Variants in KCNH8 observed in about 807,000 individuals in gnomAD.
The protein encoded by KCNH8 is voltage-gated delayed rectifier potassium channel KCNH8.
Under a neutral mutation model 103.6 loss-of-function variants are expected in KCNH8, and 70 were observed. That is an observed-to-expected ratio of 0.68 (90% CI 0.56 to 0.82). The LOEUF is 0.82. KCNH8 is among the 40% of genes least tolerant of loss of function. The pLI, the probability that KCNH8 is intolerant of heterozygous loss-of-function variation, is 0.00. For missense variants in KCNH8, 1,217 were observed against 1,329.9 expected, an observed-to-expected ratio of 0.92 and a Z score of 1.32; for synonymous variants, 498 against 489.4, an observed-to-expected ratio of 1.02 and a Z score of -0.23.
intron 8 of KCNH8, chr3:19,449,065 C>G: frequency 1.3e-6 from 1 of 786,302 alleles, no homozygotes; most frequent in African/African-American, 1.8e-5. Context: ...CTAGATGCTT[C>G]CCAAAGTGGG....
chr3:19,305,489 C>T (rs868551519), intron 3 of KCNH8, among the ~76,000 whole-genome samples: 1 of 152,064 alleles, frequency 6.6e-6, no homozygotes, highest in Non-Finnish European at 1.5e-5. Flanking sequence ...GTGAGAGCTA[C>T]GAACTAGGTT....
chr3:19,487,555 C>T (rs1352775227), intron 11 of KCNH8, among the ~76,000 whole-genome samples: 1 of 152,120 alleles, frequency 6.6e-6, no homozygotes, highest in East Asian at 1.9e-4. Flanking sequence ...ATTGGCTGGG[C>T]CCCAGGCTTA....
chr3:19,274,294 A>G (rs2064631482), intron 2 of KCNH8, among the ~76,000 whole-genome samples: 1 of 152,272 alleles, frequency 6.6e-6, no homozygotes, highest in South Asian at 2.1e-4. Context: ...AATATAATAC[A>G]TGCAAGACGT....
At chr3:19,226,970 T>C (rs2063939558) in intron 1 of KCNH8, among the ~76,000 whole-genome samples, 1 of 152,242 alleles carries the variant, frequency 6.6e-6, no homozygotes, top group Non-Finnish European at 1.5e-5. Flanking sequence ...GGGTCTATTT[T>C]TGGAGCCGTG....
At chr3:19,239,587 A>C (rs1484526890) in intron 1 of KCNH8, among the ~76,000 whole-genome samples, 1 of 152,046 alleles carries the variant, frequency 6.6e-6, no homozygotes, top group African/African-American at 2.4e-5. Context: ...AAAATTTTAG[A>C]AACTAGTCTA....
chr3:19,452,479 T>TGCA (rs2067464103), intron 10 of KCNH8, among the ~76,000 whole-genome samples: 3 of 152,118 alleles, frequency 2.0e-5, no homozygotes, highest in Non-Finnish European at 2.9e-5. Context: ...ACAGTGATAA[T>TGCA]GCAGCAAAAA....
chr3:19,215,719 T>A (rs1360915654), intron 1 of KCNH8, among the ~76,000 whole-genome samples: 1 of 152,230 alleles, frequency 6.6e-6, no homozygotes, highest in Non-Finnish European at 1.5e-5. Context: ...TTTCTCTCCC[T>A]TTCTCAAAAA....
At chr3:19,243,805 G>A (rs1319884621) in intron 1 of KCNH8, among the ~76,000 whole-genome samples, 1 of 152,030 alleles carries the variant, frequency 6.6e-6, no homozygotes, top group Non-Finnish European at 1.5e-5. Context: ...CAGTCAGTTT[G>A]AAATTAAAAA....
At chr3:19,319,128 G>A (rs140323682) in intron 3 of KCNH8, among the ~76,000 whole-genome samples, 12 of 152,150 alleles carry the variant, frequency 7.9e-5, no homozygotes, top group African/African-American at 2.9e-4. Flanking sequence ...TGTTAACTCT[G>A]CTGTTTATTT....
rs570153353 is a variant in KCNH8 at position 19,366,651 on chromosome 3, A to G, written c.811+18686A>G. 5.3e-5 allele frequency among the ~76,000 whole-genome samples: 8 copies of G among 152,090 alleles called. No individual in the cohort carries two copies. The East Asian group carries it at 1.5e-3, about 29-fold the overall frequency. ...CATTCTCTCTTCTTTCCACTTTTCA[A>G]GTATGTTTTCTTAAAGTATAAAAAA... On this transcript the variant is annotated intron_variant, in intron 5 of 15. Coordinates refer to ENST00000328405, the MANE Select transcript of KCNH8 (RefSeq NM_144633.3).
At chr3:19,255,765 A>G (rs2064338493) in intron 2 of KCNH8, among the ~76,000 whole-genome samples, 1 of 152,146 alleles carries the variant, frequency 6.6e-6, no homozygotes, top group Non-Finnish European at 1.5e-5. Context: ...AGATAGTTCC[A>G]GTTTTATTTG....
intron 3 of KCNH8, among the ~76,000 whole-genome samples, chr3:19,300,676 A>G (rs572492096): frequency 2.0e-5 from 3 of 152,290 alleles, no homozygotes; most frequent in South Asian, 4.1e-4. Flanking sequence ...ATATATCCCA[A>G]TGACTCCTTT....
chr3:19,453,709 C>T (rs2067485104), intron 10 of KCNH8, among the ~76,000 whole-genome samples: 1 of 152,144 alleles, frequency 6.6e-6, no homozygotes, highest in South Asian at 2.1e-4. Context: ...CTACCTTGCC[C>T]TTTCTCCCAT....
chr3:19,273,187 C>A (rs989811209), intron 2 of KCNH8, among the ~76,000 whole-genome samples: 4 of 152,222 alleles, frequency 2.6e-5, no homozygotes, highest in African/African-American at 7.2e-5. Context: ...ATTCCTCCAA[C>A]TAAAGCCTTG....
chr3:19,483,510 G>T (rs1437398057), intron 11 of KCNH8, among the ~76,000 whole-genome samples: 1 of 152,078 alleles, frequency 6.6e-6, no homozygotes, highest in East Asian at 1.9e-4. Flanking sequence ...TGGGTCTGTA[G>T]GTACTAATTT....
intron 3 of KCNH8, among the ~76,000 whole-genome samples, chr3:19,314,227 A>G (rs989054404): frequency 3.9e-5 from 6 of 151,938 alleles, no homozygotes; most frequent in African/African-American, 1.4e-4. Context: ...TATGTAAAAG[A>G]TATGATAGTA....
At chr3:19,287,057 T>C (rs2064842130) in intron 3 of KCNH8, among the ~76,000 whole-genome samples, 1 of 151,734 alleles carries the variant, frequency 6.6e-6, no homozygotes, top group African/African-American at 2.4e-5. Flanking sequence ...AAGAGAGAGT[T>C]ATGGACTGAA....
At chr3:19,526,008 C>T (rs2069057626) in intron 15 of KCNH8, among the ~76,000 whole-genome samples, 1 of 151,816 alleles carries the variant, frequency 6.6e-6, no homozygotes, top group Non-Finnish European at 1.5e-5. Context: ...GTTTTGCCTG[C>T]TTATGGAGTT....
At chr3:19,499,461 G>A (rs1035559626) in intron 11 of KCNH8, among the ~76,000 whole-genome samples, 2 of 152,160 alleles carry the variant, frequency 1.3e-5, no homozygotes. Flanking sequence ...TACTCCTTGA[G>A]AAGAGCAACT....
Sources: allele counts gnomAD v4.1 joint callset (sites outside exome capture counted in the v4.1 genomes callset), GRCh38; gene constraint gnomAD v4.1.1; transcripts MANE v1.5; gene names NCBI Gene and HGNC (gene_info 2026-07-23, HGNC 2026-07-21).